RPRD2: variants seen among roughly 807,000 people sequenced by gnomAD.
The protein encoded by RPRD2 is regulation of nuclear pre-mRNA domain-containing protein 2.
RPRD2 carries 12 observed loss-of-function variants against 104.4 expected under a neutral mutation model. That is an observed-to-expected ratio of 0.11 (90% CI 0.07 to 0.19). The LOEUF is 0.19. Among genes scored for constraint, RPRD2 ranks in the 10% least tolerant of loss-of-function variants. RPRD2 has a pLI of 1.00. For synonymous variants in RPRD2, 714 were observed against 684.9 expected (o/e 1.04, Z -0.66); for missense variants, 1,543 against 1,790.1 (o/e 0.86, Z 2.49).
chr1:150,380,245 A>G lies in RPRD2; in HGVS notation c.205+15326A>G, dbSNP rs142961169. On this transcript the variant is annotated intron_variant, in intron 1 of 10. Transcript: ENST00000369068. ...AATAAAGGATAAACCTTCAAACTAC[A>G]TAAATTTAGCTATTTGAAAAATTTG... 6.8e-4 allele frequency among the ~76,000 whole-genome samples: 104 copies of G among 152,316 alleles called. 1 individual carries two copies. Among genetic ancestry groups the G allele is most frequent in the Non-Finnish European group, 1.2e-3 (83 of 68,036 alleles).
intron 1 of RPRD2, among the ~76,000 whole-genome samples, chr1:150,384,188 G>A (rs1276389276): frequency 2.0e-5 from 3 of 152,026 alleles, no homozygotes; most frequent in Admixed American, 6.6e-5. Context: ...TTCCTGGAAC[G>A]TGCTTGGGGA....
chr1:150,447,872 T>A (rs1666893163), intron 7 of RPRD2, among the ~76,000 whole-genome samples: 1 of 152,198 alleles, frequency 6.6e-6, no homozygotes, highest in Non-Finnish European at 1.5e-5. Flanking sequence ...TGTAAATGAT[T>A]TGCCCATATT....
chr1:150,432,410 C>A (rs1488951595), intron 2 of RPRD2, among the ~76,000 whole-genome samples: 1 of 151,736 alleles, frequency 6.6e-6, no homozygotes, highest in East Asian at 1.9e-4. Context: ...TTATGTCCCC[C>A]CGAAATTCAT....
chr1:150,398,265 C>T (rs1662692508), intron 1 of RPRD2, among the ~76,000 whole-genome samples: 1 of 150,898 alleles, frequency 6.6e-6, no homozygotes, highest in Non-Finnish European at 1.5e-5. Context: ...GGCGCGATCT[C>T]GGCTCACTGC....
In RPRD2 at chr1:150,406,319, G is replaced by A. The variant is rs587619957; in HGVS notation, c.206-11277G>A. 4.6e-5 allele frequency among the ~76,000 whole-genome samples: 7 copies of A among 152,200 alleles called. No individual in the cohort carries two copies. In the South Asian group the frequency reaches 1.5e-3, roughly 32 times the overall value. On this transcript the variant is annotated intron_variant, in intron 1 of 10. Coordinates refer to ENST00000369068, the MANE Select transcript of RPRD2 (RefSeq NM_015203.5). ...GAACATATACCCCCATGTTAAGGAG[G>A]GACTACTGTAATTGCCTTTACCCCT...
rs1047723221 is a variant in RPRD2 at position 150,403,345 on chromosome 1, G to A, written c.206-14251G>A. On this transcript the variant is annotated intron_variant, in intron 1 of 10. Transcript: ENST00000369068. ...GCATGAAGAACATTAACATTGTTAC[G>A]CAGCCATCACCACCATCCATCCTCA... Among the ~76,000 whole-genome samples, 5 of 151,940 alleles carry A rather than the reference G, an allele frequency of 3.3e-5. No individual in the cohort carries two copies. The East Asian group carries it at 5.8e-4, about 18-fold the overall frequency.
intron 1 of RPRD2, among the ~76,000 whole-genome samples, chr1:150,387,652 C>T (rs905163172): frequency 5.4e-5 from 6 of 111,632 alleles, no homozygotes; most frequent in Admixed American, 2.7e-4. Context: ...AGTGCAGTGG[C>T]GTGATCTTGG....
Position 150,472,117 on chromosome 1 carries a change from C to G in RPRD2, c.3169C>G (p.Gln1057Glu), listed in dbSNP as rs1179625060. The G allele has an allele frequency of 1.2e-6, 2 of 1,613,738 alleles. No individual in the cohort carries two copies. Among genetic ancestry groups the G allele is most frequent in the Non-Finnish European group, 1.7e-6 (2 of 1,179,900 alleles). The change falls in exon 11 of 11, where the codon CAA becomes GAA. Residue 1057 changes from glutamine to glutamate, a missense_variant. Physicochemically the swap from Gln to Glu is conservative, Grantham distance 29. This residue lies in a region of RPRD2 where 880 missense variants were observed against 885.6 expected (regional missense o/e 0.99). Coordinates refer to ENST00000369068, the MANE Select transcript of RPRD2 (RefSeq NM_015203.5). Reference sequence around the variant, plus strand: ...CTTGACCGCCACTGATCAGCAGCAACAAGAAGAGCACTACCGCATAGAAAC... The same window carrying G: ...CTTGACCGCCACTGATCAGCAGCAAGAAGAAGAGCACTACCGCATAGAAAC... ...PSLTATDQQQQEEHYRIETRV... is the reference protein window; with the variant it reads ...PSLTATDQQQEEEHYRIETRV...
intron 10 of RPRD2, among the ~76,000 whole-genome samples, chr1:150,467,298 C>T (rs12129491): frequency 0.22 from 33,715 of 152,078 alleles, 4,249 homozygotes; most frequent in African/African-American, 0.32. Flanking sequence ...ATGATGACTG[C>T]AGCACATGTT....
intron 2 of RPRD2, among the ~76,000 whole-genome samples, chr1:150,426,510 C>T (rs1189286596): frequency 6.6e-6 from 1 of 152,090 alleles, no homozygotes; most frequent in Non-Finnish European, 1.5e-5. Flanking sequence ...TATAAAGGAA[C>T]ATGAAAATGC....
At position 150,387,567 on chromosome 1, in the gene RPRD2, C is replaced by CTTTTTT. The variant is rs562476167; in HGVS notation, c.205+22684_205+22689dup. Among the ~76,000 whole-genome samples, 216 of 73,726 alleles carry CTTTTTT rather than the reference C, an allele frequency of 2.9e-3. 32 individuals carry two copies. The highest frequency in any genetic ancestry group is 3.4e-3 in the Non-Finnish European group (137 of 40,498). 48.4% of individuals were successfully genotyped at this position (73,726 alleles called of 152,430 possible). On this transcript the variant is annotated intron_variant, in intron 1 of 10. Coordinates refer to ENST00000369068, the MANE Select transcript of RPRD2 (RefSeq NM_015203.5). ...AAATCTTACAGAAGTTGCAACAGACCTTTTTTTTTTTTTTTTTTTTTTTTT... is the reference window on the plus strand; with the variant it reads ...AAATCTTACAGAAGTTGCAACAGACCTTTTTTTTTTTTTTTTTTTTTTTTTTTTTTT...
At chr1:150,398,535 TCCTTTC>T (rs587626283) in intron 1 of RPRD2, among the ~76,000 whole-genome samples, 42 of 151,248 alleles carry the variant, frequency 2.8e-4, no homozygotes, top group South Asian at 6.3e-4. Context: ...TTTCCTTCCT[TCCTTTC>T]CCTTTCCCTT....
intron 7 of RPRD2, among the ~76,000 whole-genome samples, chr1:150,454,173 A>T (rs964344069): frequency 2.6e-5 from 4 of 152,160 alleles, no homozygotes; most frequent in Non-Finnish European, 5.9e-5. Context: ...TCTCTCTTTC[A>T]TCAGAATCTT....
chr1:150,457,868 C>T (rs1308283154), intron 8 of RPRD2, among the ~76,000 whole-genome samples: 2 of 151,708 alleles, frequency 1.3e-5, no homozygotes, highest in Admixed American at 6.6e-5. Context: ...GTCAGGAGTT[C>T]GAGACCACCC....
At chr1:150,456,978 C>G (rs1667574292) in intron 7 of RPRD2, among the ~76,000 whole-genome samples, 1 of 151,370 alleles carries the variant, frequency 6.6e-6, no homozygotes, top group South Asian at 2.1e-4. Context: ...AATCCCAGCA[C>G]TTTGGGAGGC....
intron 7 of RPRD2, among the ~76,000 whole-genome samples, chr1:150,448,977 G>A (rs919968315): frequency 6.6e-6 from 1 of 152,124 alleles, no homozygotes; most frequent in Admixed American, 6.6e-5. Context: ...ATTTAGAAAT[G>A]TCTTAGGCTG....
At chr1:150,389,809 T>C (rs1661924398) in intron 1 of RPRD2, among the ~76,000 whole-genome samples, 1 of 152,164 alleles carries the variant, frequency 6.6e-6, no homozygotes, top group African/African-American at 2.4e-5. Flanking sequence ...GTCTGTTCAT[T>C]CACAGAAGTA....
At position 150,454,104 on chromosome 1, in the gene RPRD2, C is replaced by T. The variant is rs140734506; in HGVS notation, c.871-3184C>T. ...TCCAAGGTTTTCTGCTTGGCTTCTT[C>T]CCTCTCAAGCAGCTTCAGAATTCAG... is the stretch of plus-strand genomic sequence containing the variant. On this transcript the variant is annotated intron_variant, in intron 7 of 10. Coordinates refer to ENST00000369068, the MANE Select transcript of RPRD2 (RefSeq NM_015203.5). Among the ~76,000 whole-genome samples the T allele has an allele frequency of 3.0e-4, 45 of 152,256 alleles. No homozygotes were observed. In the East Asian group the frequency reaches 7.3e-3, roughly 25 times the overall value.
intron 1 of RPRD2, among the ~76,000 whole-genome samples, chr1:150,384,475 A>C (rs1661402271): frequency 7.0e-6 from 1 of 142,268 alleles, no homozygotes; most frequent in Non-Finnish European, 1.5e-5. Flanking sequence ...TATTATTATT[A>C]TTATTATTAT....
Sources: allele counts gnomAD v4.1 joint callset (sites outside exome capture counted in the v4.1 genomes callset), GRCh38; gene constraint gnomAD v4.1.1; regional missense constraint gnomAD v4.1.1; transcripts MANE v1.5; gene names NCBI Gene and HGNC (gene_info 2026-07-23, HGNC 2026-07-21).